GALNTL6: variants seen among roughly 807,000 people sequenced by gnomAD.
The protein encoded by GALNTL6 is polypeptide N-acetylgalactosaminyltransferase like 6.
GALNTL6 carries 46 observed loss-of-function variants against 73.7 expected under a neutral mutation model. That is an observed-to-expected ratio of 0.62 (90% CI 0.49 to 0.80). The LOEUF (loss-of-function observed/expected upper bound fraction) is 0.80. Among genes scored for constraint, GALNTL6 ranks in the 30% least tolerant of loss-of-function variants. GALNTL6 has a pLI of 0.00. For missense variants in GALNTL6, 604 were observed against 755.0 expected (o/e 0.80, Z 2.34); for synonymous variants, 259 against 263.7 (o/e 0.98, Z 0.17).
intron 2 of GALNTL6, among the ~76,000 whole-genome samples, chr4:172,123,500 A>ATTTTTTTT (rs67067629): frequency 7.8e-5 from 9 of 115,440 alleles, no homozygotes; most frequent in African/African-American, 1.0e-4. Flanking sequence ...AAAAGTCATA[A>ATTTTTTTT]TTTTTTTTTT....
At chr4:172,784,703 C>T (rs1203126975) in intron 5 of GALNTL6, among the ~76,000 whole-genome samples, 1 of 152,136 alleles carries the variant, frequency 6.6e-6, no homozygotes, top group Non-Finnish European at 1.5e-5. Flanking sequence ...GCCACCTTTT[C>T]CCCACCTCTT....
chr4:172,301,174 G>T (rs534237200), intron 3 of GALNTL6, among the ~76,000 whole-genome samples: 1 of 152,126 alleles, frequency 6.6e-6, no homozygotes, highest in Admixed American at 6.5e-5. Flanking sequence ...ACTGAGGCTT[G>T]TGCATTCGTC....
chr4:173,035,716 T>C (rs1043287341), intron 12 of GALNTL6, among the ~76,000 whole-genome samples: 9 of 152,260 alleles, frequency 5.9e-5, no homozygotes, highest in African/African-American at 2.2e-4. Context: ...TTCAGAGCCA[T>C]AGATACCTTC....
chr4:172,903,241 C>T (rs1479866553), intron 8 of GALNTL6, among the ~76,000 whole-genome samples: 3 of 152,258 alleles, frequency 2.0e-5, no homozygotes, highest in African/African-American at 7.2e-5. Flanking sequence ...CATCCTAAAC[C>T]GTGTTTTCCT....
chr4:171,900,185 C>T (rs1343969214), intron 2 of GALNTL6, among the ~76,000 whole-genome samples: 6 of 152,170 alleles, frequency 3.9e-5, no homozygotes, highest in East Asian at 1.9e-4. Context: ...TGGGGTTCAT[C>T]GTCTTGGGTT....
At chr4:171,848,641 A>AT (rs753485736) in intron 2 of GALNTL6, among the ~76,000 whole-genome samples, 8 of 152,110 alleles carry the variant, frequency 5.3e-5, no homozygotes, top group Non-Finnish European at 8.8e-5. Flanking sequence ...TTCACCTTGC[A>AT]TTTTTGTTTT....
chr4:171,978,355 G>A (rs1355982961), intron 2 of GALNTL6, among the ~76,000 whole-genome samples: 1 of 152,088 alleles, frequency 6.6e-6, no homozygotes, highest in Non-Finnish European at 1.5e-5. Flanking sequence ...TGAGACTTTT[G>A]TGGCTCTTCT....
chr4:172,594,570 G>T (rs1737778646), intron 5 of GALNTL6, among the ~76,000 whole-genome samples: 1 of 151,626 alleles, frequency 6.6e-6, no homozygotes, highest in African/African-American at 2.4e-5. Flanking sequence ...GTTATATCTT[G>T]TTTTTTAAAA....
intron 2 of GALNTL6, among the ~76,000 whole-genome samples, chr4:172,026,358 A>G (rs1226853443): frequency 1.3e-5 from 2 of 152,066 alleles, no homozygotes; most frequent in Non-Finnish European, 2.9e-5. Flanking sequence ...TAATGTCTAG[A>G]TCATCTATTG....
At chr4:171,932,173 A>G (rs918098320) in intron 2 of GALNTL6, among the ~76,000 whole-genome samples, 25 of 152,192 alleles carry the variant, frequency 1.6e-4, no homozygotes, top group African/African-American at 2.9e-4. Flanking sequence ...TGTGAAAACT[A>G]TAACTGCTTT....
At chr4:172,288,541 T>G (rs1739349992) in intron 3 of GALNTL6, among the ~76,000 whole-genome samples, 1 of 152,172 alleles carries the variant, frequency 6.6e-6, no homozygotes, top group African/African-American at 2.4e-5. Context: ...GAATAATTAT[T>G]TAATTAGAAC....
rs146196087 is a variant in GALNTL6 at position 171,963,031 on chromosome 4, G to T, written c.138+148313G>T. On this transcript the variant is annotated intron_variant, in intron 2 of 12. Transcript: ENST00000506823. Reference sequence around the variant, plus strand: ...TCCGCCCACCTTGGCCTCCCAAAGTGCTGGGATTTCTGGTGTGAGCCACTG... The same window carrying T: ...TCCGCCCACCTTGGCCTCCCAAAGTTCTGGGATTTCTGGTGTGAGCCACTG... Among the ~76,000 whole-genome samples the T allele has an allele frequency of 6.3e-3, 943 of 150,266 alleles. 5 individuals carry two copies. Among genetic ancestry groups the T allele is most frequent in the African/African-American group, 0.022 (894 of 40,970 alleles).
intron 5 of GALNTL6, among the ~76,000 whole-genome samples, chr4:172,635,993 C>A (rs1739658235): frequency 6.6e-6 from 1 of 152,120 alleles, no homozygotes; most frequent in South Asian, 2.1e-4. Flanking sequence ...TTCAGTCCAC[C>A]TTTCAAGCAC....
At chr4:173,032,231 C>T (rs950500741) in intron 12 of GALNTL6, among the ~76,000 whole-genome samples, 1 of 152,118 alleles carries the variant, frequency 6.6e-6, no homozygotes, top group African/African-American at 2.4e-5. Context: ...GGGTGGATCA[C>T]GAGGTCAGGA....
chr4:172,118,266 G>A (rs1325711875), intron 2 of GALNTL6, among the ~76,000 whole-genome samples: 3 of 152,246 alleles, frequency 2.0e-5, no homozygotes, highest in Admixed American at 6.5e-5. Flanking sequence ...GCCATTTCAA[G>A]TGTTTTCCCT....
intron 2 of GALNTL6, among the ~76,000 whole-genome samples, chr4:172,091,839 T>C (rs1010527940): frequency 2.6e-5 from 4 of 152,116 alleles, no homozygotes; most frequent in Non-Finnish European, 5.9e-5. Context: ...AGAGAGACAG[T>C]GAGAGAGACA....
intron 3 of GALNTL6, among the ~76,000 whole-genome samples, chr4:172,292,146 T>C (rs1158170298): frequency 6.6e-6 from 1 of 152,142 alleles, no homozygotes; most frequent in Non-Finnish European, 1.5e-5. Flanking sequence ...GGGCACAGTG[T>C]TCATCACAAT....
At chr4:172,110,167 T>G (rs1732811956) in intron 2 of GALNTL6, among the ~76,000 whole-genome samples, 1 of 152,162 alleles carries the variant, frequency 6.6e-6, no homozygotes, top group South Asian at 2.1e-4. Context: ...TATAAAAATA[T>G]AAAACCTTTT....
At chr4:172,012,503 A>G (rs1325199693) in intron 2 of GALNTL6, among the ~76,000 whole-genome samples, 1 of 152,096 alleles carries the variant, frequency 6.6e-6, no homozygotes, top group Non-Finnish European at 1.5e-5. Context: ...TACTATCAGA[A>G]GCCCTATTCT....
Sources: allele counts gnomAD v4.1 joint callset (sites outside exome capture counted in the v4.1 genomes callset), GRCh38; gene constraint gnomAD v4.1.1; transcripts MANE v1.5; gene names NCBI Gene and HGNC (gene_info 2026-07-23, HGNC 2026-07-21).